Variants in LARS1 observed in about 807,000 individuals in gnomAD.
LARS1 encodes leucine--tRNA ligase, cytoplasmic.
In LARS1, 100 loss-of-function variants were observed where a neutral mutation model predicts 162.8. That is an observed-to-expected ratio of 0.61 (90% CI 0.52 to 0.73). The LOEUF is 0.73. Among genes scored for constraint, LARS1 ranks in the 30% least tolerant of loss-of-function variants. LARS1 has a pLI of 0.00. For missense variants in LARS1, 1,258 were observed against 1,408.9 expected, an observed-to-expected ratio of 0.89 and a Z score of 1.71; for synonymous variants, 457 against 462.8, an observed-to-expected ratio of 0.99 and a Z score of 0.16.
In LARS1 at chr5:146,153,240, T is replaced by C; in HGVS notation, c.1231-13A>G. ...TTGCTCGTAAGGCCTACAGAAAAAT[T>C]TGCAAGTTAACACTAATGATCAACA... On this transcript the variant is annotated splice_polypyrimidine_tract_variant and intron_variant, in intron 12 of 31. Coordinates refer to ENST00000394434, the MANE Select transcript of LARS1 (RefSeq NM_020117.11). The C allele has an allele frequency of 6.2e-7, 1 of 1,605,326 alleles. No individual in the cohort carries two copies. Among genetic ancestry groups the C allele is most frequent in the Non-Finnish European group, 8.5e-7 (1 of 1,173,002 alleles).
intron 10 of LARS1, 75 bp from the exon 11 acceptor site, chr5:146,154,055 T>A (rs1753414644): frequency 9.4e-7 from 1 of 1,063,618 alleles, no homozygotes; most frequent in Non-Finnish European, 1.4e-6. Flanking sequence ...ATGTTAATAT[T>A]TTAAGCCCTG....
chr5:146,164,499 G>A (rs577125293), intron 5 of LARS1, 28 bp from the exon 6 acceptor site: 54 of 1,606,624 alleles, frequency 3.4e-5, no homozygotes, highest in South Asian at 2.0e-4. Flanking sequence ...AAATAAACTC[G>A]ATCAAAGAAT....
chr5:146,181,708 G>A (rs899915128), intron 1 of LARS1, among the ~76,000 whole-genome samples: 15 of 151,766 alleles, frequency 9.9e-5, no homozygotes, highest in African/African-American at 3.6e-4. Flanking sequence ...ACACTCCCTA[G>A]CACCCCTTCC....
chr5:146,135,479 A>T, intron 22 of LARS1, 122 bp downstream of exon 22: 1 of 673,748 alleles, frequency 1.5e-6, no homozygotes, highest in Non-Finnish European at 2.5e-6. Flanking sequence ...AGGAAACATT[A>T]AGATTTTAAA....
In LARS1 at chr5:146,153,795, G is replaced by A; in HGVS notation, c.1169C>T (p.Thr390Ile). 1.2e-6 allele frequency: 2 copies of A among 1,614,026 alleles called. No homozygotes were observed. Among genetic ancestry groups the A allele is most frequent in the Non-Finnish European group, 1.7e-6 (2 of 1,179,936 alleles). ...IKEDKGTGVV[T>I]SVPSDSPDDI... ...ATCAGGGGAGTCGGAAGGAACACTT[G>A]TAACCACACCAGTGCCTTAGAAAAC... Residue 390 changes from threonine (T) to isoleucine (I), a missense_variant, in exon 12 of 32, where the codon ACA becomes ATA. Thr to Ile is a moderately conservative substitution (Grantham distance 89). Transcript: ENST00000394434.
At chr5:146,172,637 AT>A (rs746541154) in intron 3 of LARS1, 49 bp downstream of exon 3, 39 of 1,071,656 alleles carry the variant, frequency 3.6e-5, no homozygotes, top group Non-Finnish European at 4.7e-5. Context: ...TCAAAACAAT[AT>A]TCGTTAAAAA....
intron 21 of LARS1, among the ~76,000 whole-genome samples, chr5:146,139,908 C>T (rs1405978464): frequency 1.3e-5 from 2 of 149,926 alleles, no homozygotes; most frequent in African/African-American, 2.5e-5. Flanking sequence ...TTAATTTATG[C>T]CTCGTCCTAA....
At chr5:146,115,488 C>T (rs925563034) in intron 31 of LARS1, among the ~76,000 whole-genome samples, 1 of 141,026 alleles carries the variant, frequency 7.1e-6, no homozygotes, top group South Asian at 2.2e-4. Flanking sequence ...TTTAAGCTTT[C>T]AGAATTTTTA....
At chr5:146,126,654 A>T in intron 27 of LARS1, 109 bp from the exon 28 acceptor site, 1 of 681,028 alleles carries the variant, frequency 1.5e-6, no homozygotes. Context: ...ATCCTTAGAG[A>T]ACAGCAGAAA....
rs1177421608 is a variant in LARS1 at position 146,120,324 on chromosome 5, C to G, written c.3325+47G>C. 4 of 1,604,562 alleles carry G rather than the reference C, an allele frequency of 2.5e-6. No homozygotes were observed. The African/African-American group carries it at 5.4e-5, about 22-fold the overall frequency. ...TTTTTCCTTTCTGCTTAGAACTCAC[C>G]AAATCTACAAGCTACTGACAAATGG... On this transcript the variant is annotated intron_variant, in intron 31 of 31. Transcript: ENST00000394434.
intron 15 of LARS1, among the ~76,000 whole-genome samples, chr5:146,148,332 TG>T (rs1413315268): frequency 2.0e-5 from 3 of 152,206 alleles, no homozygotes; most frequent in Admixed American, 2.0e-4. Context: ...CAGAAAGCGC[TG>T]GAAGAGCTTT....
At chr5:146,147,722 A>T (rs1327249464) in intron 15 of LARS1, among the ~76,000 whole-genome samples, 3 of 152,138 alleles carry the variant, frequency 2.0e-5, no homozygotes, top group Non-Finnish European at 1.5e-5. Flanking sequence ...GGAATTCAAA[A>T]AGTGAAAATA....
In LARS1 at chr5:146,174,512, A is replaced by ATATCCATATATG. The variant is rs1561498088; in HGVS notation, c.126-1739_126-1738insCATATATGGATA. On this transcript the variant is annotated intron_variant, in intron 2 of 31. Coordinates refer to ENST00000394434, the MANE Select transcript of LARS1 (RefSeq NM_020117.11). ...TATATATATATATCCATATATATAT[A>ATATCCATATATG]TATATATCCATATATATATATATAT... is the stretch of plus-strand genomic sequence containing the variant. Among the ~76,000 whole-genome samples the ATATCCATATATG allele has an allele frequency of 1.2e-3, 24 of 19,960 alleles. 1 individual carries two copies. The highest frequency in any genetic ancestry group is 2.4e-3 in the Non-Finnish European group (21 of 8,708). The allele number at this position is 19,960 out of a possible 152,430, so 13.1% of individuals were successfully genotyped here. A position where few individuals can be genotyped will look rare whatever the true frequency, so the allele number is the denominator to read the frequency against.
At chr5:146,169,993 G>A (rs1476083859) in intron 4 of LARS1, among the ~76,000 whole-genome samples, 1 of 152,076 alleles carries the variant, frequency 6.6e-6, no homozygotes, top group Non-Finnish European at 1.5e-5. Context: ...CAACAATGAA[G>A]TATTCTTGTC....
chr5:146,134,595 C>T (rs1752428708), intron 22 of LARS1, among the ~76,000 whole-genome samples: 3 of 151,992 alleles, frequency 2.0e-5, no homozygotes, highest in African/African-American at 7.3e-5. Context: ...GGACTGAGGC[C>T]AGACAAAAAA....
rs70998058 is a variant in LARS1 at position 146,146,339 on chromosome 5, G to GAA, written c.1504-1632_1504-1631dup. Among the ~76,000 whole-genome samples, 315 of 90,424 alleles carry GAA rather than the reference G, an allele frequency of 3.5e-3. 2 individuals carry two copies. Among genetic ancestry groups the GAA allele is most frequent in the African/African-American group, 0.016 (297 of 18,790 alleles). 59.3% of individuals were successfully genotyped at this position (90,424 alleles called of 152,430 possible). A position where few individuals can be genotyped will look rare whatever the true frequency, so the allele number is the denominator to read the frequency against. ...GCCTGGGCAACAAGAGCAAAACTCC[G>GAA]AAAAAAAAAAAAAAAGAAAGAGAAG... is the stretch of plus-strand genomic sequence containing the variant. On this transcript the variant is annotated intron_variant, in intron 15 of 31. Transcript: ENST00000394434.
intron 2 of LARS1, 110 bp from the exon 3 acceptor site, chr5:146,172,884 T>A (rs1361346795): frequency 2.2e-6 from 1 of 448,284 alleles, no homozygotes; most frequent in Non-Finnish European, 4.0e-6. Flanking sequence ...CTTAAGGTTA[T>A]TTAAAAAATA....
intron 31 of LARS1, among the ~76,000 whole-genome samples, chr5:146,117,199 T>G (rs1751595712): frequency 6.6e-6 from 1 of 152,146 alleles, no homozygotes; most frequent in Non-Finnish European, 1.5e-5. Context: ...TTCAGTACAA[T>G]TCTGCAGAAC....
intron 31 of LARS1, among the ~76,000 whole-genome samples, chr5:146,114,755 A>C (rs1222928118): frequency 2.6e-5 from 4 of 151,434 alleles, no homozygotes; most frequent in South Asian, 2.1e-4. Context: ...AACAAACAAA[A>C]AAAGCAGTGG....
Sources: gnomAD v4.1 joint callset for allele counts (sites outside exome capture counted in the v4.1 genomes callset) on GRCh38, gnomAD v4.1.1 for gene constraint, MANE v1.5 for transcripts, NCBI Gene and HGNC (gene_info 2026-07-23, HGNC 2026-07-21) for gene names.